Variants in ENTHD1 observed in about 807,000 individuals in gnomAD.
The protein encoded by ENTHD1 is ENTH domain containing 1.
A neutral mutation model predicts 39.1 loss-of-function variants in ENTHD1; 23 were observed. That is an observed-to-expected ratio of 0.59 (90% CI 0.42 to 0.83). The LOEUF is 0.83. Among genes scored for constraint, ENTHD1 ranks in the 40% least tolerant of loss-of-function variants. ENTHD1 has a pLI of 0.00. For synonymous variants in ENTHD1, 230 were observed against 258.2 expected, an observed-to-expected ratio of 0.89 and a Z score of 1.05; for missense variants, 624 against 705.4, an observed-to-expected ratio of 0.88 and a Z score of 1.31.
rs1203654862 is a variant in ENTHD1, at chr22:39,876,335, G to A, written c.349+11065C>T. ...AGCACTGTTATGCTCAGTCATACAC[G>A]CGAAAGGTACAACGTCTTTTAGCTA... On this transcript the variant is annotated intron_variant, in intron 2 of 6. Coordinates refer to ENST00000325157, the MANE Select transcript of ENTHD1 (RefSeq NM_152512.4). Among the ~76,000 whole-genome samples, 7 of 152,098 alleles carry A rather than the reference G, an allele frequency of 4.6e-5. No homozygotes were observed. The East Asian group carries it at 7.7e-4, about 17-fold the overall frequency.
chr22:39,753,258 A>G (rs1027070874), intron 6 of ENTHD1, among the ~76,000 whole-genome samples: 1 of 152,210 alleles, frequency 6.6e-6, no homozygotes, highest in Non-Finnish European at 1.5e-5. Context: ...GCTGACTGCC[A>G]CCATTTCTAG....
chr22:39,767,139 A>C (rs2065283319), intron 5 of ENTHD1, among the ~76,000 whole-genome samples: 2 of 152,198 alleles, frequency 1.3e-5, no homozygotes, highest in Admixed American at 1.3e-4. Flanking sequence ...GGACAGGTTC[A>C]ATGAATGCTC....
chr22:39,755,327 C>T (rs1016284910), intron 6 of ENTHD1, among the ~76,000 whole-genome samples: 1 of 151,948 alleles, frequency 6.6e-6, no homozygotes, highest in Non-Finnish European at 1.5e-5. Flanking sequence ...AGGAGTGAAC[C>T]AGGGGAAGGG....
chr22:39,842,246 T>C, intron 3 of ENTHD1, among the ~76,000 whole-genome samples: 1 of 152,166 alleles, frequency 6.6e-6, no homozygotes, highest in South Asian at 2.1e-4. Flanking sequence ...AGTATCTTTG[T>C]GGTGTTCTCT....
In ENTHD1 at chr22:39,892,648, C is replaced by T. The variant is rs183167686; in HGVS notation, c.-156+1047G>A. Reference sequence around the variant, plus strand: ...GAGAATAAGGAACAGAGGAGCTGAACTGACTTTATCCAAAGACTTGGGACA... The same window carrying T: ...GAGAATAAGGAACAGAGGAGCTGAATTGACTTTATCCAAAGACTTGGGACA... On this transcript the variant is annotated intron_variant, in intron 1 of 6. Coordinates refer to ENST00000325157, the MANE Select transcript of ENTHD1 (RefSeq NM_152512.4). Among the ~76,000 whole-genome samples, 429 of 152,176 alleles carry T rather than the reference C, an allele frequency of 2.8e-3. 3 individuals are homozygous for T. Among genetic ancestry groups the T allele is most frequent in the African/African-American group, 9.2e-3 (382 of 41,424 alleles).
intron 3 of ENTHD1, among the ~76,000 whole-genome samples, chr22:39,842,813 A>G (rs916812372): frequency 6.7e-6 from 1 of 148,982 alleles, no homozygotes; most frequent in Non-Finnish European, 1.5e-5. Context: ...ATGAACAGAC[A>G]CTTCTCAAAA....
At chr22:39,807,163 T>TCC in intron 5 of ENTHD1, among the ~76,000 whole-genome samples, 1 of 152,126 alleles carries the variant, frequency 6.6e-6, no homozygotes, top group African/African-American at 2.4e-5. Flanking sequence ...CCTGATTGCT[T>TCC]CCCTAACTTG....
chr22:39,767,408 G>A (rs2065285336), intron 5 of ENTHD1, among the ~76,000 whole-genome samples: 1 of 152,050 alleles, frequency 6.6e-6, no homozygotes, highest in African/African-American at 2.4e-5. Flanking sequence ...AAAATCACTT[G>A]AGCCCAGGAG....
At chr22:39,858,097 T>G (rs1310565871) in intron 3 of ENTHD1, among the ~76,000 whole-genome samples, 1 of 152,240 alleles carries the variant, frequency 6.6e-6, no homozygotes. Context: ...TTACCCACAG[T>G]AGAACTTCTT....
intron 6 of ENTHD1, among the ~76,000 whole-genome samples, chr22:39,759,358 G>T (rs913166930): frequency 6.6e-6 from 1 of 152,030 alleles, no homozygotes; most frequent in African/African-American, 2.4e-5. Context: ...ATTTTAGCCA[G>T]TTGTCTTATC....
chr22:39,869,035 G>A lies in ENTHD1; in HGVS notation c.350-7028C>T, dbSNP rs556748495. On this transcript the variant is annotated intron_variant, in intron 2 of 6. Coordinates refer to ENST00000325157, the MANE Select transcript of ENTHD1 (RefSeq NM_152512.4). ...ATACTACTGGTGGGAATGTAAATTC[G>A]TTCAACCATGGTAGAAAACAGTCTG... 4.6e-5 allele frequency among the ~76,000 whole-genome samples: 7 copies of A among 152,304 alleles called. No homozygotes were observed. The South Asian group carries it at 6.2e-4, about 14-fold the overall frequency.
intron 4 of ENTHD1, among the ~76,000 whole-genome samples, chr22:39,822,248 G>A (rs974490162): frequency 1.3e-5 from 2 of 151,254 alleles, no homozygotes; most frequent in Non-Finnish European, 2.9e-5. Flanking sequence ...TTAACATACA[G>A]TAAAATACAC....
chr22:39,851,793 T>C (rs1337779054), intron 3 of ENTHD1, among the ~76,000 whole-genome samples: 1 of 152,194 alleles, frequency 6.6e-6, no homozygotes, highest in Non-Finnish European at 1.5e-5. Flanking sequence ...CATGTACTGT[T>C]CTTATTTTAT....
At chr22:39,778,335 AG>A (rs1355722892) in intron 5 of ENTHD1, among the ~76,000 whole-genome samples, 1 of 152,154 alleles carries the variant, frequency 6.6e-6, no homozygotes, top group Non-Finnish European at 1.5e-5. Flanking sequence ...AATTCTAGGA[AG>A]GGGGGTATTT....
chr22:39,755,083 G>A (rs2065174605), intron 6 of ENTHD1, among the ~76,000 whole-genome samples: 1 of 152,164 alleles, frequency 6.6e-6, no homozygotes, highest in African/African-American at 2.4e-5. Context: ...TGCTGCTGGG[G>A]ATGCAATAAG....
intron 5 of ENTHD1, among the ~76,000 whole-genome samples, chr22:39,796,652 G>A (rs2146609495): frequency 6.6e-6 from 1 of 152,262 alleles, no homozygotes; most frequent in South Asian, 2.1e-4. Context: ...GATCATTCAG[G>A]AGCATGTTAT....
At chr22:39,868,656 C>T (rs1475477984) in intron 2 of ENTHD1, among the ~76,000 whole-genome samples, 2 of 152,002 alleles carry the variant, frequency 1.3e-5, no homozygotes, top group Non-Finnish European at 2.9e-5. Flanking sequence ...AGCTTCTGCA[C>T]AACAAAAGAA....
chr22:39,767,363 G>A (rs996167267), intron 5 of ENTHD1, among the ~76,000 whole-genome samples: 1 of 152,108 alleles, frequency 6.6e-6, no homozygotes, highest in African/African-American at 2.4e-5. Context: ...CAGGCGCAGT[G>A]CCTGTAGTCC....
At chr22:39,823,703 A>G (rs941036250) in intron 4 of ENTHD1, among the ~76,000 whole-genome samples, 16 of 152,180 alleles carry the variant, frequency 1.1e-4, no homozygotes, top group African/African-American at 3.6e-4. Context: ...TGCTGTTCAT[A>G]TAGTAGCCAC....
Sources: allele counts gnomAD v4.1 joint callset (sites outside exome capture counted in the v4.1 genomes callset), GRCh38; gene constraint gnomAD v4.1.1; transcripts MANE v1.5; gene names NCBI Gene and HGNC (gene_info 2026-07-23, HGNC 2026-07-21).